ZDHHC18: variants seen among roughly 807,000 people sequenced by gnomAD.
ZDHHC18 encodes zDHHC palmitoyltransferase 18.
In ZDHHC18, 23 loss-of-function variants were observed where a neutral mutation model predicts 37.5. The ratio of observed to expected loss-of-function variants is 0.61; its 90% CI spans 0.44 to 0.87. The LOEUF is 0.87. Ranked by LOEUF, ZDHHC18 falls within the 40% of genes least tolerant of loss-of-function variation. The pLI is 0.00. For synonymous variants in ZDHHC18, 185 were observed against 218.7 expected (o/e 0.85, Z 1.36); for missense variants, 406 against 525.6 (o/e 0.77, Z 2.22).
chr1:26,844,534 A>G (rs2124260799), intron 2 of ZDHHC18, among the ~76,000 whole-genome samples: 1 of 152,276 alleles, frequency 6.6e-6, no homozygotes, highest in South Asian at 2.1e-4. Context: ...CATGTCTTTC[A>G]GAGCACATTA....
chr1:26,852,913 A>T (rs780313938), intron 7 of ZDHHC18, 48 bp downstream of exon 7: 2 of 1,563,532 alleles, frequency 1.3e-6, no homozygotes, highest in South Asian at 1.1e-5. Flanking sequence ...ATGCCTGGCC[A>T]GTGATCAAAG....
intron 2 of ZDHHC18, among the ~76,000 whole-genome samples, chr1:26,841,268 C>G (rs926224427): frequency 6.6e-6 from 1 of 152,066 alleles, no homozygotes; most frequent in African/African-American, 2.4e-5. Flanking sequence ...TGTAAGCCAC[C>G]ACGCCCAGCC....
In ZDHHC18 at chr1:26,853,898, C is replaced by A; in HGVS notation, c.*55C>A. On this transcript the variant is annotated 3_prime_UTR_variant, in exon 8 of 8. Coordinates refer to ENST00000374142, the MANE Select transcript of ZDHHC18 (RefSeq NM_032283.3). The stretch of plus-strand genomic sequence containing the variant: ...CTGTCTGACCCTCCGCACTCACCTG[C>A]CGGGACCCTCCCTATTCCATCCAAG... The A allele has an allele frequency of 6.8e-7, 1 of 1,471,038 alleles. No homozygotes were observed. Among genetic ancestry groups the A allele is most frequent in the Non-Finnish European group, 9.5e-7 (1 of 1,057,308 alleles). The allele number at this position is 1,471,038 out of a possible 1,614,324, so 91.1% of individuals were successfully genotyped here. A position where few individuals can be genotyped will look rare whatever the true frequency, so the allele number is the denominator to read the frequency against.
At chr1:26,834,201 C>T (rs1052258669) in intron 2 of ZDHHC18, among the ~76,000 whole-genome samples, 1 of 152,232 alleles carries the variant, frequency 6.6e-6, no homozygotes, top group Non-Finnish European at 1.5e-5. Flanking sequence ...CTGGAATCCT[C>T]GGCCTCCTGT....
chr1:26,852,604 C>T (rs549131173), intron 6 of ZDHHC18, 149 bp from the exon 7 acceptor site: 2 of 641,884 alleles, frequency 3.1e-6, no homozygotes, highest in East Asian at 5.7e-5. Context: ...CCCCCACATT[C>T]TCATTGAATG....
chr1:26,848,800 G>C (rs751363014), intron 3 of ZDHHC18, 43 bp downstream of exon 3: 46 of 1,592,376 alleles, frequency 2.9e-5, no homozygotes, highest in Non-Finnish European at 4.0e-5. Context: ...ATTCCTGAGA[G>C]AGACTGAGTC....
chr1:26,842,368 A>G (rs538886160), intron 2 of ZDHHC18, among the ~76,000 whole-genome samples: 7 of 152,336 alleles, frequency 4.6e-5, no homozygotes, highest in African/African-American at 1.4e-4. Flanking sequence ...CAACAACCCT[A>G]TGAAGGTGAG....
chr1:26,852,629 CAT>C (rs1315385669), intron 6 of ZDHHC18, 122 bp from the exon 7 acceptor site: 1 of 740,176 alleles, frequency 1.4e-6, no homozygotes, highest in Non-Finnish European at 2.3e-6. Context: ...ACATGAAAGA[CAT>C]GTCGCCTTCT....
intron 2 of ZDHHC18, among the ~76,000 whole-genome samples, chr1:26,833,244 G>A (rs377190782): frequency 1.1e-3 from 171 of 152,312 alleles, no homozygotes; most frequent in African/African-American, 3.8e-3. Context: ...AGAGAAGAAA[G>A]GAGGGAAGGA....
chr1:26,851,006 G>A, intron 5 of ZDHHC18, 123 bp from the exon 6 acceptor site: 2 of 917,716 alleles, frequency 2.2e-6, no homozygotes, highest in South Asian at 1.5e-5. Context: ...CTGGGCCACA[G>A]GAAGGTTCCA....
chr1:26,829,485 A>C (rs1036922362), intron 1 of ZDHHC18, among the ~76,000 whole-genome samples: 16 of 151,218 alleles, frequency 1.1e-4, no homozygotes, highest in African/African-American at 2.9e-4. Context: ...CTCATGGCTC[A>C]CTCTCTCACA....
At chr1:26,852,406 G>A (rs1314215501) in intron 6 of ZDHHC18, among the ~76,000 whole-genome samples, 2 of 152,192 alleles carry the variant, frequency 1.3e-5, no homozygotes, top group Non-Finnish European at 2.9e-5. Context: ...TCCAGGTAAC[G>A]TAGCCAGTGA....
At position 26,856,287 on chromosome 1, in the gene ZDHHC18, C is replaced by A; in HGVS notation, c.*2444C>A. On this transcript the variant is annotated 3_prime_UTR_variant, in exon 8 of 8. Coordinates refer to ENST00000374142, the MANE Select transcript of ZDHHC18 (RefSeq NM_032283.3). This position sits in a 1 kb window ranked among gnomAD's most constrained non-coding sequence, Gnocchi z 5.2. ...GGTAAGACCGTTTCTTCCCTGTCGGCCAGCACTGCCCGCTCCCCTCACACA... is the reference window on the plus strand; with the variant it reads ...GGTAAGACCGTTTCTTCCCTGTCGGACAGCACTGCCCGCTCCCCTCACACA... The A allele has an allele frequency of 2.3e-6, 1 of 432,104 alleles. No homozygotes were observed. The highest frequency in any genetic ancestry group is 4.8e-6 in the Non-Finnish European group (1 of 207,182). The allele number at this position is 432,104 out of a possible 1,614,324, so 26.8% of individuals were successfully genotyped here. A position where few individuals can be genotyped will look rare whatever the true frequency, so the allele number is the denominator to read the frequency against.
chr1:26,830,774 TTGTTG>T (rs991049134), intron 1 of ZDHHC18, among the ~76,000 whole-genome samples: 97 of 15,208 alleles, frequency 6.4e-3, no homozygotes, highest in Admixed American at 0.019. Flanking sequence ...TGTTTGTTTG[TTGTTG>T]TTGTTGTTGT....
intron 2 of ZDHHC18, among the ~76,000 whole-genome samples, chr1:26,836,811 G>A (rs1448808656): frequency 2.7e-5 from 4 of 149,216 alleles, no homozygotes; most frequent in Admixed American, 6.7e-5. Flanking sequence ...CTTGTGATCC[G>A]CCCGTCTCAG....
Position 26,850,743 on chromosome 1 carries a change from T to G in ZDHHC18, c.833+137T>G. ...CCTCCAGAATCCAACATGCCAGCTC[T>G]TCTGTTCACACCCAGGCAAGAGCTG... On this transcript the variant is annotated intron_variant, in intron 5 of 7. Coordinates refer to ENST00000374142, the MANE Select transcript of ZDHHC18 (RefSeq NM_032283.3). The surrounding 1 kb of genome is among the most constrained non-coding windows in gnomAD (Gnocchi z 6.1). 48 of 1,063,972 alleles carry G rather than the reference T, an allele frequency of 4.5e-5. No individual in the cohort carries two copies. Among genetic ancestry groups the G allele is most frequent in the Non-Finnish European group, 6.1e-5 (44 of 723,536 alleles). 65.9% of individuals were successfully genotyped at this position (1,063,972 alleles called of 1,614,324 possible).
intron 2 of ZDHHC18, among the ~76,000 whole-genome samples, chr1:26,834,783 A>G (rs1283051514): frequency 2.0e-5 from 3 of 152,210 alleles, no homozygotes; most frequent in African/African-American, 7.2e-5. Context: ...AACAGTCAGG[A>G]CATCTCCCAG....
intron 2 of ZDHHC18, among the ~76,000 whole-genome samples, chr1:26,848,297 A>C (rs887035952): frequency 2.6e-5 from 4 of 151,416 alleles, no homozygotes; most frequent in Middle Eastern, 3.2e-3. Flanking sequence ...TGGGCGACAG[A>C]GTGAGACTCT....
At chr1:26,853,090 T>G (rs1206127539) in intron 7 of ZDHHC18, 5 of 475,716 alleles carry the variant, frequency 1.1e-5, no homozygotes, top group Non-Finnish European at 7.5e-6. Context: ...AGAGGAGCAT[T>G]GGATATGACA....
Sources: allele counts gnomAD v4.1 joint callset (sites outside exome capture counted in the v4.1 genomes callset), GRCh38; gene constraint gnomAD v4.1.1; non-coding constraint Gnocchi (gnomAD v3.1); transcripts MANE v1.5; gene names NCBI Gene and HGNC (gene_info 2026-07-23, HGNC 2026-07-21).